The following PPP2R5E variants were observed in gnomAD, a reference collection of about 807,000 sequenced individuals.
PPP2R5E encodes the protein serine/threonine-protein phosphatase 2A 56 kDa regulatory subunit epsilon isoform.
In PPP2R5E, 4 loss-of-function variants were observed where a neutral mutation model predicts 65.3. That is an observed-to-expected ratio of 0.06 (90% CI 0.03 to 0.14). PPP2R5E has a LOEUF of 0.14. Ranked by LOEUF, PPP2R5E falls within the 10% of genes least tolerant of loss-of-function variation. The pLI is 1.00. For missense variants in PPP2R5E, 274 were observed against 556.1 expected (o/e 0.49, Z 5.10); for synonymous variants, 183 against 187.4 (o/e 0.98, Z 0.19).
chr14:63,500,133 T>C (rs1891790925), intron 2 of PPP2R5E, among the ~76,000 whole-genome samples: 1 of 152,254 alleles, frequency 6.6e-6, no homozygotes, highest in Non-Finnish European at 1.5e-5. Flanking sequence ...TTTTGGGCAC[T>C]ATGAATTTTT....
rs550576303 is a variant in PPP2R5E at position 63,415,705 on chromosome 14, C to T, written c.457-473G>A. On this transcript the variant is annotated intron_variant, in intron 4 of 13. Transcript: ENST00000337537. Reference sequence around the variant, plus strand: ...TTTACATCAATAATATCTCAACTATCATTCTTAGTAGCTGTAAGTAGTCCA... The same window carrying T: ...TTTACATCAATAATATCTCAACTATTATTCTTAGTAGCTGTAAGTAGTCCA... 2.0e-5 allele frequency among the ~76,000 whole-genome samples: 3 copies of T among 152,282 alleles called. No homozygotes were observed. The South Asian group carries it at 6.2e-4, about 32-fold the overall frequency.
intron 13 of PPP2R5E, among the ~76,000 whole-genome samples, chr14:63,379,942 C>A (rs1452583970): frequency 1.3e-5 from 2 of 150,368 alleles, no homozygotes; most frequent in Non-Finnish European, 2.9e-5. Context: ...TCAACTGACC[C>A]TCCCAACTCA....
chr14:63,507,563 AAGGGTAATTC>A (rs989161990), intron 2 of PPP2R5E, among the ~76,000 whole-genome samples: 1 of 149,892 alleles, frequency 6.7e-6, no homozygotes, highest in Non-Finnish European at 1.5e-5. Context: ...TAACTGCAGC[AAGGGTAATTC>A]TCTTTTTTTT....
intron 2 of PPP2R5E, among the ~76,000 whole-genome samples, chr14:63,519,796 G>A (rs1369664065): frequency 6.6e-6 from 1 of 151,614 alleles, no homozygotes; most frequent in Admixed American, 6.6e-5. Context: ...CGAGTAGCTG[G>A]GATTACAGGC....
intron 11 of PPP2R5E, among the ~76,000 whole-genome samples, chr14:63,388,891 C>T (rs1884838995): frequency 6.6e-6 from 1 of 152,190 alleles, no homozygotes; most frequent in South Asian, 2.1e-4. Context: ...TTAGGTGAGA[C>T]AGCCAAAGAA....
intron 10 of PPP2R5E, 76 bp downstream of exon 10, chr14:63,391,740 TA>T: frequency 6.7e-7 from 1 of 1,490,788 alleles, no homozygotes; most frequent in Non-Finnish European, 9.3e-7. Context: ...TGCGGTTTTA[TA>T]CATGCTTAGC....
chr14:63,391,698 C>T, intron 10 of PPP2R5E, 119 bp downstream of exon 10: 2 of 1,094,456 alleles, frequency 1.8e-6, no homozygotes, highest in South Asian at 1.5e-5. Context: ...GCTGGGATTA[C>T]AGGCATGAGC....
intron 2 of PPP2R5E, among the ~76,000 whole-genome samples, chr14:63,460,940 GATAA>G (rs1355534817): frequency 6.6e-6 from 1 of 152,212 alleles, no homozygotes; most frequent in African/African-American, 2.4e-5. Flanking sequence ...TGCACACAGT[GATAA>G]ATGACACAGT....
chr14:63,471,399 A>G (rs1343027950), intron 2 of PPP2R5E, among the ~76,000 whole-genome samples: 2 of 152,234 alleles, frequency 1.3e-5, no homozygotes, highest in Non-Finnish European at 2.9e-5. Context: ...AACAAGAGTC[A>G]CTGAAGACAG....
At chr14:63,389,287 A>C (rs1259381085) in intron 11 of PPP2R5E, among the ~76,000 whole-genome samples, 1 of 152,110 alleles carries the variant, frequency 6.6e-6, no homozygotes, top group Non-Finnish European at 1.5e-5. Context: ...GAGAAACCTC[A>C]CCAGCCCACT....
rs185314176 is a variant in PPP2R5E at position 63,429,979 on chromosome 14, C to T, written c.355-7885G>A. Among the ~76,000 whole-genome samples the T allele has an allele frequency of 3.3e-5, 5 of 152,032 alleles. No individual in the cohort carries two copies. The East Asian group carries it at 5.8e-4, about 18-fold the overall frequency. On this transcript the variant is annotated intron_variant, in intron 3 of 13. Coordinates refer to ENST00000337537, the MANE Select transcript of PPP2R5E (RefSeq NM_006246.5). Reference sequence around the variant, plus strand: ...GATTACAGGCGTGAGCCCCTGCACCCGGCCGTATTATTTTCATAATATTTT... The same window carrying T: ...GATTACAGGCGTGAGCCCCTGCACCTGGCCGTATTATTTTCATAATATTTT...
chr14:63,507,578 T>C (rs1466932497), intron 2 of PPP2R5E, among the ~76,000 whole-genome samples: 1 of 107,426 alleles, frequency 9.3e-6, no homozygotes, highest in Non-Finnish European at 2.0e-5. Flanking sequence ...TAATTCTCTT[T>C]TTTTTTTTTT....
intron 11 of PPP2R5E, among the ~76,000 whole-genome samples, chr14:63,387,886 G>A (rs1410537280): frequency 2.0e-5 from 3 of 152,176 alleles, no homozygotes; most frequent in African/African-American, 7.2e-5. Flanking sequence ...GCCAGGAAAG[G>A]CCACGTGAGC....
chr14:63,395,297 GGAGAA>G lies in PPP2R5E; in HGVS notation c.681-17_681-13del. 1 of 1,572,060 alleles carries G rather than the reference GGAGAA, an allele frequency of 6.4e-7. No individual in the cohort carries two copies. The highest frequency in any genetic ancestry group is 8.7e-7 in the Non-Finnish European group (1 of 1,148,232). ...TTTCATAAACAAACCTGAGAGAAGAGGAGAAAAGGGAGGAGAAAGGAGGAGAGGAG... is the reference window on the plus strand; with the variant it reads ...TTTCATAAACAAACCTGAGAGAAGAGAAGGGAGGAGAAAGGAGGAGAGGAG... On this transcript the variant is annotated splice_polypyrimidine_tract_variant and intron_variant, in intron 6 of 13. Transcript: ENST00000337537.
At chr14:63,478,131 A>AT (rs1219284752) in intron 2 of PPP2R5E, among the ~76,000 whole-genome samples, 3 of 152,186 alleles carry the variant, frequency 2.0e-5, no homozygotes, top group African/African-American at 7.2e-5. Flanking sequence ...TATGATGTGG[A>AT]TATCTATCCT....
chr14:63,413,535 C>T (rs1284977126), intron 5 of PPP2R5E, among the ~76,000 whole-genome samples: 1 of 152,126 alleles, frequency 6.6e-6, no homozygotes, highest in African/African-American at 2.4e-5. Flanking sequence ...GTTTATGCAT[C>T]TATAAAATGG....
chr14:63,451,016 G>C (rs574598904), intron 3 of PPP2R5E, among the ~76,000 whole-genome samples: 1 of 152,130 alleles, frequency 6.6e-6, no homozygotes, highest in Admixed American at 6.5e-5. Context: ...TGCTGGTGAG[G>C]ATGTGGAGCA....
chr14:63,395,314 AAGGAGGAGAGG>A, intron 6 of PPP2R5E, 29 bp from the exon 7 acceptor site: 1 of 1,510,824 alleles, frequency 6.6e-7, no homozygotes, highest in Non-Finnish European at 9.2e-7. Context: ...AGGGAGGAGA[AAGGAGGAGAGG>A]AGGAGGAGAA....
At chr14:63,505,768 T>C (rs1323482720) in intron 2 of PPP2R5E, among the ~76,000 whole-genome samples, 1 of 152,164 alleles carries the variant, frequency 6.6e-6, no homozygotes, top group East Asian at 1.9e-4. Flanking sequence ...CGTCACATAC[T>C]ACCCTATTAC....
Sources: allele counts gnomAD v4.1 joint callset (sites outside exome capture counted in the v4.1 genomes callset), GRCh38; gene constraint gnomAD v4.1.1; transcripts MANE v1.5; gene names NCBI Gene and HGNC (gene_info 2026-07-23, HGNC 2026-07-21).